Variants in TUBA1B observed in about 807,000 individuals in gnomAD.
TUBA1B encodes the protein tubulin alpha-1B chain.
Under a neutral mutation model 34.4 loss-of-function variants are expected in TUBA1B, and 1 was observed. The observed-to-expected ratio is 0.03, with a 90% confidence interval of 0.01 to 0.14. The LOEUF (loss-of-function observed/expected upper bound fraction) is 0.14, where lower values mean the gene tolerates loss of function less well. Among genes scored for constraint, TUBA1B ranks in the 10% least tolerant of loss-of-function variants. The probability of loss-of-function intolerance (pLI) is 1.00; values close to 1 mark genes in which losing one functional copy is unlikely to be tolerated. For missense variants in TUBA1B, 54 were observed against 583.6 expected, an observed-to-expected ratio of 0.09 and a Z score of 9.35; for synonymous variants, 197 against 212.5, an observed-to-expected ratio of 0.93 and a Z score of 0.64.
chr12:49,127,870 C>A lies in TUBA1B; in HGVS notation c.*88G>T. On this transcript the variant is annotated 3_prime_UTR_variant, in exon 4 of 4. Transcript: ENST00000336023. ...GACATGATCACCAAGTGAAAACAAT[C>A]TAACCAGAAAGCTTTAACGTCTGTC... 6 of 1,589,748 alleles carry A rather than the reference C, an allele frequency of 3.8e-6. No individual in the cohort carries two copies. The highest frequency in any genetic ancestry group is 5.2e-6 in the Non-Finnish European group (6 of 1,164,078).
At chr12:49,129,159 G>C in intron 3 of TUBA1B, 83 bp downstream of exon 3, 2 of 1,609,028 alleles carry the variant, frequency 1.2e-6, no homozygotes, top group South Asian at 2.2e-5. Context: ...AGGTGCCAAA[G>C]AATGAATGAT....
intron 1 of TUBA1B, chr12:49,130,827 G>C (rs551939580): frequency 1.1e-3 from 185 of 166,942 alleles, no homozygotes; most frequent in Non-Finnish European, 1.9e-3. Context: ...TTCCCGCCCA[G>C]GAGCGGCGGG....
At chr12:49,130,252 G>A in intron 1 of TUBA1B, 3 of 1,288,962 alleles carry the variant, frequency 2.3e-6, no homozygotes, top group Non-Finnish European at 3.0e-6. Context: ...TTTAGACTAG[G>A]TGGTCACATT....
chr12:49,131,250 TTTTCCCTGCTTCCCTGAAAGCAG>T, intron 1 of TUBA1B, 25 bp downstream of exon 1: 1 of 1,590,102 alleles, frequency 6.3e-7, no homozygotes, highest in Non-Finnish European at 8.6e-7. Flanking sequence ...GCCGGCTCGC[TTTTCCCTGCTTCCCTGAAAGCAG>T]CCGGGAGCCG....
chr12:49,129,416 G>A (rs1170832374), intron 2 of TUBA1B, 26 bp from the exon 3 acceptor site: 5 of 1,614,056 alleles, frequency 3.1e-6, no homozygotes, highest in Middle Eastern at 3.3e-4. Context: ...AAGGACGGAG[G>A]GAGTGAGTGA....
intron 1 of TUBA1B, 23 bp downstream of exon 1, chr12:49,131,275 C>A: frequency 6.2e-7 from 1 of 1,607,028 alleles, no homozygotes; most frequent in Admixed American, 1.7e-5. Context: ...TGAAAGCAGC[C>A]GGGAGCCGCA....
chr12:49,130,444 C>CAA, intron 1 of TUBA1B: 1 of 1,002,320 alleles, frequency 1.0e-6, no homozygotes, highest in Non-Finnish European at 1.4e-6. Context: ...AGGCGCTGCC[C>CAA]AAGCCGCCCA....
rs748641942 is a variant in TUBA1B at position 49,128,663 on chromosome 12, G to A, written c.651C>T (p.Leu217=). The A allele has an allele frequency of 7.8e-5, 125 of 1,609,078 alleles. No homozygotes were observed. Among genetic ancestry groups the A allele is most frequent in the East Asian group, 4.0e-4 (18 of 44,772 alleles). ...TAGTGTAGGTTGGGCGCTCGATATC[G>A]AGGTTTCTACGACAGATGTCATAGA... The part of the protein sequence containing the change: ...EAIYDICRRN[L]DIERPTYTNL... The change falls in exon 4 of 4, where the codon CTC becomes CTT. Residue 217 remains leucine (L), a synonymous_variant. Transcript: ENST00000336023. The surrounding 1 kb of genome is among the most constrained non-coding windows in gnomAD (Gnocchi z 8.1).
chr12:49,129,119 T>C, intron 3 of TUBA1B, 123 bp downstream of exon 3: 1 of 1,578,534 alleles, frequency 6.3e-7, no homozygotes, highest in Non-Finnish European at 8.6e-7. Context: ...GTCCAATTAA[T>C]ATAGCAAGCA....
intron 3 of TUBA1B, 69 bp downstream of exon 3, chr12:49,129,173 A>C (rs1377081013): frequency 6.2e-6 from 10 of 1,610,924 alleles, no homozygotes; most frequent in Non-Finnish European, 8.5e-6. Flanking sequence ...GAATGATGTC[A>C]GTCACTCCAC....
In TUBA1B at chr12:49,128,015, C is replaced by T; in HGVS notation, c.1299G>A (p.Glu433=). The change falls in exon 4 of 4, where the codon GAG becomes GAA. Residue 433 remains glutamate, a synonymous_variant. Transcript: ENST00000336023. The surrounding 1 kb of genome is among the most constrained non-coding windows in gnomAD (Gnocchi z 8.1). ...EDMAALEKDY[E]EVGVDSVEGE... is the part of the protein sequence containing the mutation. Reference sequence around the variant, plus strand: ...CTTCAACAGAATCCACACCAACCTCCTCATAATCCTTCTCAAGGGCAGCCA... The same window carrying T: ...CTTCAACAGAATCCACACCAACCTCTTCATAATCCTTCTCAAGGGCAGCCA... 2 of 1,614,204 alleles carry T rather than the reference C, an allele frequency of 1.2e-6. No individual in the cohort carries two copies. The highest frequency in any genetic ancestry group is 1.7e-6 in the Non-Finnish European group (2 of 1,180,038).
rs570478590 is a variant in TUBA1B at position 49,128,944 on chromosome 12, G to C, written c.376-6C>G. ...AGACCGGTGCACTGGTCAGCCTGTA[G>C]GGGAATAAAAAAATGTAATATTTTA... On this transcript the variant is annotated splice_region_variant and splice_polypyrimidine_tract_variant and intron_variant, in intron 3 of 3. Transcript: ENST00000336023. The surrounding 1 kb of genome is among the most constrained non-coding windows in gnomAD (Gnocchi z 8.1). The C allele has an allele frequency of 6.3e-7, 1 of 1,583,432 alleles. No homozygotes were observed. The highest frequency in any genetic ancestry group is 8.6e-7 in the Non-Finnish European group (1 of 1,168,666).
At chr12:49,130,415 G>T in intron 1 of TUBA1B, 1 of 1,236,284 alleles carries the variant, frequency 8.1e-7, no homozygotes, top group Non-Finnish European at 1.1e-6. Context: ...GCAGAGGCAC[G>T]AAATGGCCAC....
Position 49,127,861 on chromosome 12 carries a change from G to A in TUBA1B, c.*97C>T. 6.4e-7 allele frequency: 1 copy of A among 1,571,240 alleles called. No individual in the cohort carries two copies. Among genetic ancestry groups the A allele is most frequent in the Non-Finnish European group, 8.7e-7 (1 of 1,150,726 alleles). ...CATGGAAAAGACATGATCACCAAGT[G>A]AAAACAATCTAACCAGAAAGCTTTA... On this transcript the variant is annotated 3_prime_UTR_variant, in exon 4 of 4. Transcript: ENST00000336023.
rs370602447 is a variant in TUBA1B at position 49,129,585 on chromosome 12, G to A, written c.141C>T (p.Asp47=). Residue 47 remains aspartate, a synonymous_variant, in exon 2 of 4, where the codon GAC becomes GAT. Transcript: ENST00000336023. ...PSDKTIGGGD[D]SFNTFFSETG... is the part of the protein sequence containing the mutation. ...TCTCACTGAAGAAGGTGTTGAAGGA[G>A]TCATCTCCTCCCCCAATGGTCTTGT... 51 of 1,614,080 alleles carry A rather than the reference G, an allele frequency of 3.2e-5. No individual in the cohort carries two copies. The highest frequency in any genetic ancestry group is 4.2e-5 in the Non-Finnish European group (49 of 1,180,042).
Position 49,128,429 on chromosome 12 carries a change from G to A in TUBA1B, c.885C>T (p.Cys295=). ...QLSVAEITNA[C]FEPANQMVKC... is the part of the protein sequence containing the mutation. Reference sequence around the variant, plus strand: ...TCACCATCTGGTTGGCTGGCTCAAAGCAAGCATTGGTGATCTCTGCTACAG... The same window carrying A: ...TCACCATCTGGTTGGCTGGCTCAAAACAAGCATTGGTGATCTCTGCTACAG... Residue 295 remains cysteine (C), a synonymous_variant, in exon 4 of 4, where the codon TGC becomes TGT. Transcript: ENST00000336023. This position sits in a 1 kb window ranked among gnomAD's most constrained non-coding sequence, Gnocchi z 8.1. The A allele has an allele frequency of 6.2e-7, 1 of 1,613,706 alleles. No individual in the cohort carries two copies. Among genetic ancestry groups the A allele is most frequent in the South Asian group, 1.1e-5 (1 of 91,068 alleles).
intron 1 of TUBA1B, chr12:49,130,395 C>A (rs561486183): frequency 7.8e-7 from 1 of 1,280,272 alleles, no homozygotes; most frequent in East Asian, 5.6e-5. Context: ...TTGCGCCCCC[C>A]GGCGGTGCTG....
chr12:49,130,068 A>C, intron 1 of TUBA1B: 1 of 1,177,500 alleles, frequency 8.5e-7, no homozygotes, highest in South Asian at 1.6e-5. Flanking sequence ...AAGATGTACT[A>C]CTTTTGAGAA....
rs781753342 is a variant in TUBA1B at position 49,129,727 on chromosome 12, G to A, written c.4-5C>T. On this transcript the variant is annotated splice_region_variant and splice_polypyrimidine_tract_variant and intron_variant, in intron 1 of 3. Coordinates refer to ENST00000336023, the MANE Select transcript of TUBA1B (RefSeq NM_006082.3). The stretch of plus-strand genomic sequence containing the variant: ...GTGGATGGAGATGCACTCACGCTGC[G>A]GGAAGGAAAAAAGATATCACAATTT... The A allele has an allele frequency of 1.6e-5, 25 of 1,601,124 alleles. No individual in the cohort carries two copies. The highest frequency in any genetic ancestry group is 4.0e-5 in the African/African-American group (3 of 74,484).
Sources: allele counts gnomAD v4.1 joint callset, GRCh38; gene constraint gnomAD v4.1.1; non-coding constraint Gnocchi (gnomAD v3.1); transcripts MANE v1.5; gene names NCBI Gene and HGNC (gene_info 2026-07-23, HGNC 2026-07-21).